The following TTC7A variants were observed in gnomAD, a reference collection of about 807,000 sequenced individuals.
TTC7A encodes tetratricopeptide repeat protein 7A.
In TTC7A, 110 loss-of-function variants were observed where a neutral mutation model predicts 103.7. That is an observed-to-expected ratio of 1.06 (90% CI 0.91 to 1.24). The LOEUF is 1.24. TTC7A is among the 50% of genes most tolerant of loss of function. The pLI is 0.00. For synonymous variants in TTC7A, 521 were observed against 467.9 expected, an observed-to-expected ratio of 1.11 and a Z score of -1.47; for missense variants, 1,340 against 1,116.3, an observed-to-expected ratio of 1.20 and a Z score of -2.86.
chr2:46,996,951 G>GT (rs151120270), intron 8 of TTC7A, among the ~76,000 whole-genome samples: 10 of 149,954 alleles, frequency 6.7e-5, no homozygotes, highest in Admixed American at 1.3e-4. Flanking sequence ...GAAACACAGA[G>GT]TTTTTTTTGT....
intron 5 of TTC7A, among the ~76,000 whole-genome samples, chr2:46,983,548 G>C (rs1674695764): frequency 6.6e-6 from 1 of 152,230 alleles, no homozygotes; most frequent in Non-Finnish European, 1.5e-5. Context: ...TGCCTGCAGA[G>C]CTCTGTCTGC....
At chr2:47,000,633 G>A (rs903846415) in intron 8 of TTC7A, among the ~76,000 whole-genome samples, 9 of 152,180 alleles carry the variant, frequency 5.9e-5, no homozygotes, top group Non-Finnish European at 1.2e-4. Context: ...TGGTGGGGAC[G>A]ACAGCACAGG....
At chr2:46,963,085 C>T (rs1336032629) in intron 3 of TTC7A, among the ~76,000 whole-genome samples, 1 of 152,204 alleles carries the variant, frequency 6.6e-6, no homozygotes, top group East Asian at 1.9e-4. Flanking sequence ...CTGGCTCTCT[C>T]GCAGTGCAGT....
chr2:46,985,336 G>C (rs999211166), intron 5 of TTC7A, among the ~76,000 whole-genome samples: 16 of 152,038 alleles, frequency 1.1e-4, no homozygotes, highest in African/African-American at 3.9e-4. Context: ...ACATTTGAAA[G>C]TCTTGAAAGT....
chr2:46,944,499 C>T (rs1670762340), intron 1 of TTC7A, among the ~76,000 whole-genome samples: 1 of 150,980 alleles, frequency 6.6e-6, no homozygotes, highest in Non-Finnish European at 1.5e-5. Flanking sequence ...TCCACCTCAG[C>T]CTCCTGACTA....
intron 12 of TTC7A, among the ~76,000 whole-genome samples, chr2:47,022,254 C>G (rs2104550591): frequency 6.6e-6 from 1 of 152,346 alleles, no homozygotes; most frequent in Middle Eastern, 3.4e-3. Context: ...CCAGCCACAG[C>G]TCCAGCAAAG....
At chr2:47,029,526 CA>C in intron 15 of TTC7A, 142 bp downstream of exon 15, 3 of 987,962 alleles carry the variant, frequency 3.0e-6, no homozygotes, top group African/African-American at 1.6e-5. Context: ...GGTGGAGAGA[CA>C]GGGGTGAGGA....
chr2:46,993,701 G>A lies in TTC7A; in HGVS notation c.843+173G>A, dbSNP rs6751621. 0.068 allele frequency among the ~76,000 whole-genome samples: 10,365 copies of A among 152,134 alleles called. 388 individuals are homozygous for A. Among genetic ancestry groups the A allele is most frequent in the Non-Finnish European group, 0.079 (5,381 of 67,986 alleles). On this transcript the variant is annotated intron_variant, in intron 6 of 19. Transcript: ENST00000319190. ...CTTTCCCACGCAGCCAGGGAGGTGC[G>A]GCCTCTTTCCCCCCGCGGCATTGCA...
chr2:47,030,917 G>A (rs988513317), intron 15 of TTC7A, among the ~76,000 whole-genome samples: 3 of 152,198 alleles, frequency 2.0e-5, no homozygotes, highest in Admixed American at 6.5e-5. Context: ...AGGCCGAGGC[G>A]GGTGGATCAC....
chr2:47,047,308 C>T, intron 16 of TTC7A: 1 of 1,549,780 alleles, frequency 6.5e-7, no homozygotes, highest in Non-Finnish European at 8.7e-7. Context: ...CCCAGAGGAA[C>T]ATCTGTAACA....
chr2:47,010,133 A>C (rs552614114), intron 10 of TTC7A, among the ~76,000 whole-genome samples: 1 of 152,264 alleles, frequency 6.6e-6, no homozygotes, highest in East Asian at 1.9e-4. Flanking sequence ...AGATTGCTGT[A>C]AAAATTAAAT....
chr2:47,025,998 G>A (rs1226611656), intron 14 of TTC7A, among the ~76,000 whole-genome samples: 1 of 152,222 alleles, frequency 6.6e-6, no homozygotes, highest in Non-Finnish European at 1.5e-5. Context: ...AACCTGTTCA[G>A]TTATTCATCC....
At chr2:46,966,395 T>G (rs893588066) in intron 3 of TTC7A, among the ~76,000 whole-genome samples, 1 of 152,228 alleles carries the variant, frequency 6.6e-6, no homozygotes, top group Admixed American at 6.5e-5. Context: ...TTTCCAGTCT[T>G]TTTTCCCTAT....
intron 15 of TTC7A, among the ~76,000 whole-genome samples, chr2:47,045,922 G>A (rs1301014178): frequency 1.3e-5 from 2 of 152,212 alleles, no homozygotes; most frequent in Non-Finnish European, 2.9e-5. Flanking sequence ...GGGAATGTGA[G>A]TGTAAGCCTG....
chr2:46,951,371 G>C (rs1447552777), intron 2 of TTC7A, among the ~76,000 whole-genome samples: 4 of 152,154 alleles, frequency 2.6e-5, no homozygotes, highest in African/African-American at 7.2e-5. Flanking sequence ...GCTCTCCTGG[G>C]TGATTCATAT....
chr2:47,001,614 T>A (rs999866702), intron 8 of TTC7A, among the ~76,000 whole-genome samples: 4 of 152,148 alleles, frequency 2.6e-5, no homozygotes, highest in Non-Finnish European at 4.4e-5. Flanking sequence ...CCCAGCACTT[T>A]GGGAGGCCGA....
intron 8 of TTC7A, chr2:46,999,890 A>G: frequency 1.0e-6 from 1 of 985,426 alleles, no homozygotes; most frequent in Non-Finnish European, 1.2e-6. Context: ...AGTGGGGTGG[A>G]TAGGTAAGTC....
rs571786780 is a variant in TTC7A at position 46,987,921 on chromosome 2, T to C, written c.765-5529T>C. Among the ~76,000 whole-genome samples the C allele has an allele frequency of 2.2e-4, 34 of 152,202 alleles. 1 individual carries two copies. In the South Asian group the frequency reaches 4.8e-3, roughly 21 times the overall value. ...ACCTTAGAAAGCCCAGCCTGCTGTT[T>C]GGTGTGACCCCCATGAGGGGTTCCA... is the stretch of plus-strand genomic sequence containing the variant. On this transcript the variant is annotated intron_variant, in intron 5 of 19. Transcript: ENST00000319190.
At chr2:46,978,716 G>A in intron 4 of TTC7A, 76 bp from the exon 5 acceptor site, 1 of 1,169,848 alleles carries the variant, frequency 8.5e-7, no homozygotes, top group Non-Finnish European at 1.3e-6. Context: ...ATGGTGATGA[G>A]GCCACCTCCT....
Sources: allele counts gnomAD v4.1 joint callset (sites outside exome capture counted in the v4.1 genomes callset), GRCh38; gene constraint gnomAD v4.1.1; transcripts MANE v1.5; gene names NCBI Gene and HGNC (gene_info 2026-07-23, HGNC 2026-07-21).